FHIT: variants seen among roughly 807,000 people sequenced by gnomAD.
The protein encoded by FHIT is fragile histidine triad diadenosine triphosphatase.
A neutral mutation model predicts 17.9 loss-of-function variants in FHIT; 19 were observed. That is an observed-to-expected ratio of 1.06 (90% CI 0.74 to 1.56). The LOEUF is 1.56. Among genes scored for constraint, FHIT ranks in the 40% most tolerant of loss-of-function variants. FHIT has a pLI of 0.00. For synonymous variants in FHIT, 81 were observed against 69.7 expected (o/e 1.16, Z -0.81); for missense variants, 248 against 189.2 (o/e 1.31, Z -1.82).
At chr3:60,441,783 A>AATATATATATATATATATAT (rs71092605) in intron 5 of FHIT, among the ~76,000 whole-genome samples, 1 of 23,946 alleles carries the variant, frequency 4.2e-5, no homozygotes, top group African/African-American at 7.4e-5. Context: ...TATGTATAAA[A>AATATATATATATATATATAT]ATATATATAT....
chr3:60,790,840 A>G (rs1467164269), intron 4 of FHIT, among the ~76,000 whole-genome samples: 2 of 152,232 alleles, frequency 1.3e-5, no homozygotes, highest in Non-Finnish European at 2.9e-5. Flanking sequence ...TGGTTAATCA[A>G]TTATAACAAA....
At chr3:60,671,948 C>T (rs1402337876) in intron 4 of FHIT, among the ~76,000 whole-genome samples, 1 of 151,676 alleles carries the variant, frequency 6.6e-6, no homozygotes, top group Non-Finnish European at 1.5e-5. Flanking sequence ...AAAACTCTGT[C>T]TTGAAAAAAA....
chr3:61,114,573 A>C (rs2036247825), intron 2 of FHIT, among the ~76,000 whole-genome samples: 1 of 152,152 alleles, frequency 6.6e-6, no homozygotes, highest in Admixed American at 6.6e-5. Context: ...GGAAAAAAAA[A>C]CAATCATTGG....
intron 4 of FHIT, among the ~76,000 whole-genome samples, chr3:60,586,204 T>A (rs549094240): frequency 6.6e-6 from 1 of 151,948 alleles, no homozygotes; most frequent in Non-Finnish European, 1.5e-5. Flanking sequence ...TTCTTTTACA[T>A]CTATTTCCAG....
intron 7 of FHIT, among the ~76,000 whole-genome samples, chr3:59,931,326 T>A (rs1344377499): frequency 6.6e-6 from 1 of 152,208 alleles, no homozygotes; most frequent in Admixed American, 6.5e-5. Flanking sequence ...TTTCTTGATT[T>A]GGGGAGGCCT....
At chr3:60,891,675 C>G (rs993123534) in intron 3 of FHIT, among the ~76,000 whole-genome samples, 1 of 152,160 alleles carries the variant, frequency 6.6e-6, no homozygotes, top group Non-Finnish European at 1.5e-5. Flanking sequence ...CTATCTCTTG[C>G]AATCATTCTC....
chr3:61,202,030 G>A (rs1242660334), intron 1 of FHIT, among the ~76,000 whole-genome samples: 1 of 150,780 alleles, frequency 6.6e-6, no homozygotes, highest in Non-Finnish European at 1.5e-5. Context: ...ATACACATGT[G>A]TATATATATA....
At chr3:61,083,014 C>A (rs149818632) in intron 2 of FHIT, among the ~76,000 whole-genome samples, 1 of 152,050 alleles carries the variant, frequency 6.6e-6, no homozygotes, top group Non-Finnish European at 1.5e-5. Flanking sequence ...GATCTGAATA[C>A]TAGTCCTTTG....
chr3:60,633,737 C>G (rs868980475), intron 4 of FHIT, among the ~76,000 whole-genome samples: 6 of 152,160 alleles, frequency 3.9e-5, no homozygotes, highest in Non-Finnish European at 2.9e-5. Context: ...CCCAGGAACA[C>G]AGTTAGGCAG....
At chr3:60,084,810 T>G (rs1703429904) in intron 5 of FHIT, among the ~76,000 whole-genome samples, 1 of 152,200 alleles carries the variant, frequency 6.6e-6, no homozygotes, top group Non-Finnish European at 1.5e-5. Context: ...AACAAGGCAT[T>G]TGTAAGTCTT....
At chr3:60,710,172 AT>A (rs1207433522) in intron 4 of FHIT, among the ~76,000 whole-genome samples, 2 of 150,420 alleles carry the variant, frequency 1.3e-5, no homozygotes, top group African/African-American at 4.9e-5. Context: ...TTGACTTTTT[AT>A]TTTTTTTAAC....
intron 3 of FHIT, among the ~76,000 whole-genome samples, chr3:60,875,878 T>C (rs1481674351): frequency 2.6e-5 from 4 of 150,994 alleles, no homozygotes; most frequent in Admixed American, 2.0e-4. Context: ...TAAATAAGTA[T>C]GAAAAATTTC....
chr3:60,296,842 T>C (rs1184787710), intron 5 of FHIT, among the ~76,000 whole-genome samples: 1 of 151,634 alleles, frequency 6.6e-6, no homozygotes, highest in Non-Finnish European at 1.5e-5. Flanking sequence ...GTGTGAGGTA[T>C]AGGTTAATTT....
At chr3:59,839,339 A>G (rs1408207060) in intron 8 of FHIT, among the ~76,000 whole-genome samples, 1 of 151,714 alleles carries the variant, frequency 6.6e-6, no homozygotes, top group Non-Finnish European at 1.5e-5. Context: ...AAACAAAAAG[A>G]AAAGAAAAAA....
rs532672664 is a variant in FHIT at position 60,284,050 on chromosome 3, C to A, written c.103+252810G>T. Among the ~76,000 whole-genome samples, 6 of 152,058 alleles carry A rather than the reference C, an allele frequency of 3.9e-5. No homozygotes were observed. In the East Asian group the frequency reaches 1.2e-3, roughly 29 times the overall value. On this transcript the variant is annotated intron_variant, in intron 5 of 9. Transcript: ENST00000492590. The stretch of plus-strand genomic sequence containing the variant: ...GGTCAGTATGAATTAATAAAAAAAA[C>A]TGAAGCTGGCATTTCAGAATCATAA...
chr3:60,006,950 C>A (rs540347746), intron 7 of FHIT, among the ~76,000 whole-genome samples: 2 of 152,242 alleles, frequency 1.3e-5, no homozygotes, highest in South Asian at 4.1e-4. Flanking sequence ...TTATCTTCTT[C>A]TTCTAGAGCA....
rs71092647 is a variant in FHIT, at chr3:60,859,723, A to ATTTTTTTTTTTTTTTTTTTTTTTTT, written c.-110-37737_-110-37713dup. On this transcript the variant is annotated intron_variant, in intron 3 of 9. Transcript: ENST00000492590. ...ACATTTGCAGTGGATTCTGAATACG[A>ATTTTTTTTTTTTTTTTTTTTTTTTT]TTTTTTTTTTTTTTTTTTTTTTTTT... Among the ~76,000 whole-genome samples, 4 of 51,926 alleles carry ATTTTTTTTTTTTTTTTTTTTTTTTT rather than the reference A, an allele frequency of 7.7e-5. 2 individuals carry two copies. The highest frequency in any genetic ancestry group is 1.5e-4 in the African/African-American group (2 of 13,222). 34.1% of individuals were successfully genotyped at this position (51,926 alleles called of 152,430 possible). A position where few individuals can be genotyped will look rare whatever the true frequency, so the allele number is the denominator to read the frequency against.
intron 2 of FHIT, among the ~76,000 whole-genome samples, chr3:61,093,957 C>T (rs965458490): frequency 2.0e-5 from 3 of 152,212 alleles, no homozygotes; most frequent in African/African-American, 7.2e-5. Flanking sequence ...TTGTTAATAT[C>T]AGCAAGAATT....
rs186578832 is a variant in FHIT at position 60,006,962 on chromosome 3, T to A, written c.279+4409A>T. ...TAATTATCTTCTTCTTCTAGAGCAA[T>A]CTAAAAAGTAATTTCTAATATCTTA... is the stretch of plus-strand genomic sequence containing the variant. On this transcript the variant is annotated intron_variant, in intron 7 of 9. Coordinates refer to ENST00000492590, the MANE Select transcript of FHIT (RefSeq NM_002012.4). Among the ~76,000 whole-genome samples, 1,083 of 152,304 alleles carry A rather than the reference T, an allele frequency of 7.1e-3. 8 individuals are homozygous for A. Among genetic ancestry groups the A allele is most frequent in the South Asian group, 0.04 (195 of 4,830 alleles).
Sources: allele counts gnomAD v4.1 joint callset (sites outside exome capture counted in the v4.1 genomes callset), GRCh38; gene constraint gnomAD v4.1.1; transcripts MANE v1.5; gene names NCBI Gene and HGNC (gene_info 2026-07-23, HGNC 2026-07-21).